MTUS1: variants seen among roughly 807,000 people sequenced by gnomAD.
MTUS1 encodes the protein microtubule associated scaffold protein 1.
In MTUS1, 109 loss-of-function variants were observed where a neutral mutation model predicts 120.8. That is an observed-to-expected ratio of 0.90 (90% CI 0.77 to 1.06). MTUS1 has a LOEUF of 1.06. MTUS1 is among the 50% of genes least tolerant of loss of function. The probability of loss-of-function intolerance (pLI) is 0.00; values close to 1 mark genes in which losing one functional copy is unlikely to be tolerated. For missense variants in MTUS1, 2,210 were observed against 1,486.3 expected (o/e 1.49, Z -8.01); for synonymous variants, 737 against 550.5 (o/e 1.34, Z -4.74).
chr8:17,650,759 G>A (rs1285162136), intron 12 of MTUS1, among the ~76,000 whole-genome samples: 1 of 152,198 alleles, frequency 6.6e-6, no homozygotes, highest in Non-Finnish European at 1.5e-5. Flanking sequence ...GGCGTCCTCT[G>A]AGAGCACACC....
chr8:17,765,514 G>T (rs2049408940), intron 1 of MTUS1, among the ~76,000 whole-genome samples: 1 of 151,482 alleles, frequency 6.6e-6, no homozygotes, highest in African/African-American at 2.4e-5. Context: ...CAGCTACTAG[G>T]GAGGCTGAGG....
chr8:17,800,419 AGTATGT>A (rs1216421319), intron 1 of MTUS1, among the ~76,000 whole-genome samples: 1 of 152,200 alleles, frequency 6.6e-6, no homozygotes, highest in Non-Finnish European at 1.5e-5. Flanking sequence ...TATTTAACAG[AGTATGT>A]GTAACTACGC....
At chr8:17,646,334 T>C (rs775667367) in intron 14 of MTUS1, among the ~76,000 whole-genome samples, 195 bp from the exon 15 acceptor site, 58 of 152,254 alleles carry the variant, frequency 3.8e-4, no homozygotes, top group Non-Finnish European at 7.9e-4. Context: ...AAGCTCATAA[T>C]CCTGGCACCT....
intron 1 of MTUS1, among the ~76,000 whole-genome samples, chr8:17,778,443 G>C (rs1017983928): frequency 6.6e-6 from 1 of 152,188 alleles, no homozygotes; most frequent in Non-Finnish European, 1.5e-5. Context: ...CACAGCTACA[G>C]GTGTTTGTCA....
chr8:17,710,683 A>G (rs1467924509), intron 6 of MTUS1, among the ~76,000 whole-genome samples: 2 of 152,212 alleles, frequency 1.3e-5, no homozygotes, highest in African/African-American at 4.8e-5. Context: ...GGCATCTAGA[A>G]GAGCAAACCC....
intron 1 of MTUS1, among the ~76,000 whole-genome samples, chr8:17,797,757 T>C (rs1222566094): frequency 6.6e-6 from 1 of 152,226 alleles, no homozygotes; most frequent in Non-Finnish European, 1.5e-5. Context: ...TTCATCCTTA[T>C]GGCTCAAATA....
intron 7 of MTUS1, among the ~76,000 whole-genome samples, chr8:17,680,842 G>T (rs767787738): frequency 3.0e-4 from 45 of 152,126 alleles, no homozygotes; most frequent in Non-Finnish European, 5.0e-4. Context: ...ATGAAGGAAG[G>T]GTGGACTCCT....
intron 1 of MTUS1, among the ~76,000 whole-genome samples, chr8:17,775,484 C>A (rs189088149): frequency 5.9e-4 from 90 of 152,314 alleles, no homozygotes; most frequent in African/African-American, 2.1e-3. Flanking sequence ...TCACGCCCTA[C>A]ACACCTGCCA....
Position 17,734,387 on chromosome 8 carries a change from A to C in MTUS1, c.2287+9217T>G, listed in dbSNP as rs188827450. 3 of 152,326 alleles carry C rather than the reference A, an allele frequency of 2.0e-5. No homozygotes were observed. The East Asian group carries it at 5.8e-4, about 29-fold the overall frequency. The allele number at this position is 152,326 out of a possible 1,614,324, so 9.4% of individuals were successfully genotyped here. On this transcript the variant is annotated intron_variant, in intron 3 of 14. Transcript: ENST00000693296. ...ATTCAAGGGTAAGCTCCCCAGACAA[A>C]GGCAGAGCAACACAGGTGAGTCATA...
intron 6 of MTUS1, among the ~76,000 whole-genome samples, chr8:17,699,531 A>T (rs1214999363): frequency 2.6e-5 from 4 of 152,166 alleles, no homozygotes; most frequent in Non-Finnish European, 5.9e-5. Context: ...ATCCTTGTTA[A>T]AAGGGAAGTT....
chr8:17,767,981 G>C (rs2049695781), intron 1 of MTUS1, among the ~76,000 whole-genome samples: 1 of 152,210 alleles, frequency 6.6e-6, no homozygotes. Context: ...GCAAAGGAGA[G>C]GACAAGCCAG....
chr8:17,791,496 C>G (rs576931474), intron 1 of MTUS1, among the ~76,000 whole-genome samples: 1 of 152,314 alleles, frequency 6.6e-6, no homozygotes, highest in South Asian at 2.1e-4. Context: ...AGTGATGACT[C>G]AATTGTCTTT....
chr8:17,651,451 C>G (rs917697720), intron 12 of MTUS1, among the ~76,000 whole-genome samples: 1 of 151,982 alleles, frequency 6.6e-6, no homozygotes, highest in African/African-American at 2.4e-5. Flanking sequence ...TCACACGTAC[C>G]CCATAAGTAC....
At chr8:17,773,308 G>C (rs547649379) in intron 1 of MTUS1, among the ~76,000 whole-genome samples, 5 of 152,252 alleles carry the variant, frequency 3.3e-5, no homozygotes, top group African/African-American at 1.2e-4. Flanking sequence ...GAGTCTTCAA[G>C]AGTCATGCTA....
chr8:17,777,636 C>T (rs916716221), intron 1 of MTUS1, among the ~76,000 whole-genome samples: 5 of 152,056 alleles, frequency 3.3e-5, no homozygotes, highest in South Asian at 2.1e-4. Context: ...GGTTAGATTG[C>T]CTCACTGACT....
At chr8:17,716,704 G>C (rs9644594) in intron 4 of MTUS1, 6,424 of 152,396 alleles carry the variant, frequency 0.042, 269 homozygotes, top group South Asian at 0.14. Flanking sequence ...ACAGGCGCCC[G>C]CGGCCACACC....
chr8:17,760,013 A>G (rs970835568), intron 1 of MTUS1, among the ~76,000 whole-genome samples: 4 of 150,788 alleles, frequency 2.7e-5, no homozygotes, highest in Admixed American at 1.3e-4. Flanking sequence ...GTTCAAGACT[A>G]GCCTGGGCAA....
At chr8:17,653,002 T>G (rs879154135) in intron 12 of MTUS1, among the ~76,000 whole-genome samples, 184 bp downstream of exon 12, 4 of 152,182 alleles carry the variant, frequency 2.6e-5, no homozygotes, top group Non-Finnish European at 5.9e-5. Context: ...TGTCAGATTT[T>G]AGGATGGTAA....
chr8:17,682,472 C>G (rs937771387), intron 7 of MTUS1, among the ~76,000 whole-genome samples: 3 of 142,774 alleles, frequency 2.1e-5, no homozygotes, highest in Non-Finnish European at 4.5e-5. Context: ...GAGCCCAGAT[C>G]ACGCCATTGC....
Sources: allele counts gnomAD v4.1 joint callset (sites outside exome capture counted in the v4.1 genomes callset), GRCh38; gene constraint gnomAD v4.1.1; transcripts MANE v1.5; gene names NCBI Gene and HGNC (gene_info 2026-07-23, HGNC 2026-07-21).